The following XYLT1 variants were observed in gnomAD, a reference collection of about 807,000 sequenced individuals.
XYLT1 encodes xylosyltransferase 1.
Under a neutral mutation model 91.3 loss-of-function variants are expected in XYLT1, and 36 were observed. The ratio of observed to expected loss-of-function variants is 0.39; its 90% CI spans 0.30 to 0.52. XYLT1 has a LOEUF of 0.52. XYLT1 is among the 20% of genes least tolerant of loss of function. XYLT1 has a pLI of 0.68. For synonymous variants in XYLT1, 588 were observed against 532.0 expected (o/e 1.11, Z -1.45); for missense variants, 1,242 against 1,284.5 (o/e 0.97, Z 0.51).
chr16:17,450,602 T>A (rs2036654038), intron 1 of XYLT1, among the ~76,000 whole-genome samples: 1 of 152,106 alleles, frequency 6.6e-6, no homozygotes, highest in African/African-American at 2.4e-5. Flanking sequence ...CCTCAGACCA[T>A]TTTAAAGACG....
At chr16:17,461,772 CT>C (rs1233198478) in intron 1 of XYLT1, among the ~76,000 whole-genome samples, 3 of 152,282 alleles carry the variant, frequency 2.0e-5, no homozygotes, top group African/African-American at 7.2e-5. Flanking sequence ...AGAACACAGC[CT>C]TTGGAGACAC....
At position 17,105,925 on chromosome 16, in the gene XYLT1, A is replaced by AT. The variant is rs568285350; in HGVS notation, c.*2769_*2770insA. On this transcript the variant is annotated 3_prime_UTR_variant, in exon 12 of 12. Transcript: ENST00000261381. ...TTTGTTTGGGATTTTCCTTAAAAAA[A>AT]AAAACAAAACACAAAAACACAACAA... 62 of 152,234 alleles carry AT rather than the reference A, an allele frequency of 4.1e-4. No homozygotes were observed. Among genetic ancestry groups the AT allele is most frequent in the African/African-American group, 1.2e-3 (50 of 41,548 alleles). 9.4% of individuals were successfully genotyped at this position (152,234 alleles called of 1,614,324 possible).
chr16:17,331,470 T>C (rs1416155633), intron 2 of XYLT1, among the ~76,000 whole-genome samples: 3 of 151,172 alleles, frequency 2.0e-5, no homozygotes, highest in African/African-American at 7.3e-5. Flanking sequence ...AGATGTAGCC[T>C]TTGGCTTGAA....
chr16:17,464,419 G>A (rs2036860497), intron 1 of XYLT1, among the ~76,000 whole-genome samples: 1 of 150,376 alleles, frequency 6.6e-6, no homozygotes, highest in African/African-American at 2.5e-5. Flanking sequence ...TTGAACCTGA[G>A]AGGCGGAGGT....
chr16:17,112,058 C>T (rs1462294439), intron 11 of XYLT1, among the ~76,000 whole-genome samples: 1 of 152,088 alleles, frequency 6.6e-6, no homozygotes, highest in Non-Finnish European at 1.5e-5. Context: ...AAAGGCAGGA[C>T]ATTCAAAGGG....
At chr16:17,114,135 AG>A (rs1966847636) in intron 11 of XYLT1, among the ~76,000 whole-genome samples, 1 of 152,270 alleles carries the variant, frequency 6.6e-6, no homozygotes, top group African/African-American at 2.4e-5. Flanking sequence ...TCCTGCACTC[AG>A]GACTCCTCTG....
chr16:17,468,042 G>A (rs1314333325), intron 1 of XYLT1, among the ~76,000 whole-genome samples: 1 of 152,128 alleles, frequency 6.6e-6, no homozygotes, highest in Non-Finnish European at 1.5e-5. Flanking sequence ...CATTTCAACG[G>A]CCTCTATTGC....
chr16:17,388,287 G>C (rs1283335717), intron 1 of XYLT1, among the ~76,000 whole-genome samples: 1 of 152,192 alleles, frequency 6.6e-6, no homozygotes, highest in African/African-American at 2.4e-5. Context: ...TCGAAGTAAG[G>C]CTTCTGCTGA....
intron 2 of XYLT1, among the ~76,000 whole-genome samples, chr16:17,268,765 C>T (rs998019000): frequency 3.3e-5 from 5 of 151,138 alleles, no homozygotes; most frequent in East Asian, 2.0e-4. Flanking sequence ...CTCCGCTTCC[C>T]GGGTTCAAGC....
intron 1 of XYLT1, among the ~76,000 whole-genome samples, chr16:17,409,159 C>T (rs1450954727): frequency 1.3e-5 from 2 of 152,186 alleles, no homozygotes; most frequent in Non-Finnish European, 2.9e-5. Flanking sequence ...AGAACCTCCT[C>T]CTTCGACGCT....
intron 2 of XYLT1, among the ~76,000 whole-genome samples, chr16:17,334,114 G>A (rs1268022299): frequency 6.6e-6 from 1 of 152,182 alleles, no homozygotes; most frequent in South Asian, 2.1e-4. Flanking sequence ...GAAGCAGAGA[G>A]CAACCCTCAC....
At chr16:17,365,960 G>A (rs973360212) in intron 1 of XYLT1, among the ~76,000 whole-genome samples, 2 of 152,004 alleles carry the variant, frequency 1.3e-5, no homozygotes, top group African/African-American at 4.8e-5. Flanking sequence ...AGAATTACAA[G>A]GTTTTGAAGA....
In XYLT1 at chr16:17,259,271, C is replaced by T. The variant is rs768790343; in HGVS notation, c.630G>A (p.Gly210=). 4.9e-5 allele frequency: 79 copies of T among 1,614,092 alleles called. 1 individual carries two copies. The South Asian group carries it at 8.3e-4, about 17-fold the overall frequency. The stretch of plus-strand genomic sequence containing the variant: ...GAGGCAGCACCTCACCGGGGCCTTT[C>T]CCAGGGAATGTATGTCCTTTTCCTT... The part of the protein sequence containing the change: ...QEKGKGHTFP[G]KGPGEVLPPG... The change falls in exon 3 of 12, where the codon GGG becomes GGA. Residue 210 remains glycine, a synonymous_variant. Coordinates refer to ENST00000261381, the MANE Select transcript of XYLT1 (RefSeq NM_022166.4).
At chr16:17,348,674 T>A (rs1417402216) in intron 2 of XYLT1, among the ~76,000 whole-genome samples, 1 of 152,182 alleles carries the variant, frequency 6.6e-6, no homozygotes. Flanking sequence ...GTTCCCCAAG[T>A]TTGGGCCTTG....
intron 5 of XYLT1, among the ~76,000 whole-genome samples, chr16:17,174,874 G>A (rs1410773204): frequency 1.3e-5 from 2 of 152,138 alleles, no homozygotes; most frequent in African/African-American, 2.4e-5. Flanking sequence ...GGGTTGAAGC[G>A]ATTCTCTTGC....
intron 6 of XYLT1, among the ~76,000 whole-genome samples, chr16:17,144,975 A>G (rs1001473971): frequency 6.6e-6 from 1 of 152,206 alleles, no homozygotes; most frequent in Non-Finnish European, 1.5e-5. Context: ...CCTGGCTTCA[A>G]AACATTTCAT....
intron 2 of XYLT1, among the ~76,000 whole-genome samples, chr16:17,324,693 T>A (rs1489517883): frequency 6.6e-6 from 1 of 152,168 alleles, no homozygotes; most frequent in Admixed American, 6.5e-5. Flanking sequence ...TCCCCCACGG[T>A]CATTGGGAAT....
At chr16:17,416,583 G>A (rs753262257) in intron 1 of XYLT1, among the ~76,000 whole-genome samples, 14 of 152,262 alleles carry the variant, frequency 9.2e-5, no homozygotes, top group African/African-American at 1.7e-4. Flanking sequence ...CACGCACATC[G>A]GCAGACTCTG....
chr16:17,286,317 T>A (rs2034140216), intron 2 of XYLT1, among the ~76,000 whole-genome samples: 2 of 151,986 alleles, frequency 1.3e-5, no homozygotes, highest in Non-Finnish European at 2.9e-5. Context: ...GAGGGAGGTA[T>A]GGAATAAATA....
Sources: gnomAD v4.1 joint callset for allele counts (sites outside exome capture counted in the v4.1 genomes callset) on GRCh38, gnomAD v4.1.1 for gene constraint, MANE v1.5 for transcripts, NCBI Gene and HGNC (gene_info 2026-07-23, HGNC 2026-07-21) for gene names.